Variants in GRM7 observed in about 807,000 individuals in gnomAD.
GRM7 encodes the protein glutamate metabotropic receptor 7.
A neutral mutation model predicts 84.5 loss-of-function variants in GRM7; 35 were observed. The observed-to-expected ratio is 0.41, with a 90% confidence interval of 0.32 to 0.55. The LOEUF (loss-of-function observed/expected upper bound fraction) is 0.55, where lower values mean the gene tolerates loss of function less well. Ranked by LOEUF, GRM7 falls within the 20% of genes least tolerant of loss-of-function variation. GRM7 has a pLI of 0.19. For synonymous variants in GRM7, 487 were observed against 455.1 expected (o/e 1.07, Z -0.89); for missense variants, 1,003 against 1,194.6 (o/e 0.84, Z 2.36).
chr3:6,941,039 G>A (rs17750635), intron 1 of GRM7, among the ~76,000 whole-genome samples: 2,524 of 152,284 alleles, frequency 0.017, 31 homozygotes, highest in Non-Finnish European at 0.025. Context: ...GCCTCCATCA[G>A]TCCCTGCCTC....
intron 2 of GRM7, among the ~76,000 whole-genome samples, chr3:7,228,877 A>G (rs890914282): frequency 8.5e-5 from 13 of 152,264 alleles, no homozygotes; most frequent in Non-Finnish European, 1.9e-4. Context: ...TAATGATGTG[A>G]TGAAGATGTG....
intron 5 of GRM7, among the ~76,000 whole-genome samples, chr3:7,435,851 CTTTTTTT>C (rs34860272): frequency 9.0e-5 from 8 of 89,258 alleles, no homozygotes; most frequent in South Asian, 4.9e-4. Context: ...CCACACCCAT[CTTTTTTT>C]TTTTTTTTTT....
At chr3:7,643,619 G>C (rs1698469049) in intron 8 of GRM7, among the ~76,000 whole-genome samples, 1 of 152,064 alleles carries the variant, frequency 6.6e-6, no homozygotes, top group Non-Finnish European at 1.5e-5. Flanking sequence ...CTTGCTTTTT[G>C]TTTCTTTTAA....
At chr3:7,504,905 CAA>C (rs1699995387) in intron 7 of GRM7, among the ~76,000 whole-genome samples, 1 of 152,138 alleles carries the variant, frequency 6.6e-6, no homozygotes, top group Non-Finnish European at 1.5e-5. Flanking sequence ...AGTATCAACT[CAA>C]AGTCCAAAGT....
At chr3:7,168,944 G>C in intron 2 of GRM7, among the ~76,000 whole-genome samples, 1 of 152,072 alleles carries the variant, frequency 6.6e-6, no homozygotes, top group East Asian at 1.9e-4. Flanking sequence ...GACCAGAAAA[G>C]GTATCTGCAT....
intron 1 of GRM7, among the ~76,000 whole-genome samples, chr3:6,933,159 T>C (rs1697569611): frequency 6.6e-6 from 1 of 152,180 alleles, no homozygotes; most frequent in African/African-American, 2.4e-5. Flanking sequence ...TGGAGTTTAA[T>C]AAAATACAGG....
At chr3:7,212,687 A>G (rs1404062534) in intron 2 of GRM7, among the ~76,000 whole-genome samples, 2 of 152,244 alleles carry the variant, frequency 1.3e-5, no homozygotes, top group African/African-American at 4.8e-5. Context: ...AAATAACATT[A>G]TAAAGTTTTA....
intron 2 of GRM7, among the ~76,000 whole-genome samples, chr3:7,234,125 G>A (rs962604577): frequency 2.0e-5 from 3 of 151,984 alleles, no homozygotes; most frequent in Admixed American, 6.5e-5. Context: ...AATTGTAATA[G>A]GATTTAAGAG....
At chr3:7,516,123 C>T (rs1394245316) in intron 7 of GRM7, among the ~76,000 whole-genome samples, 3 of 140,626 alleles carry the variant, frequency 2.1e-5, no homozygotes, top group African/African-American at 5.3e-5. Flanking sequence ...GTGATCACAC[C>T]ACTGCACTCC....
chr3:7,014,268 G>T (rs1394805565), intron 1 of GRM7, among the ~76,000 whole-genome samples: 1 of 152,170 alleles, frequency 6.6e-6, no homozygotes, highest in Non-Finnish European at 1.5e-5. Flanking sequence ...CAGGGAGGGA[G>T]TAGGCAAAGT....
At chr3:7,572,060 C>T (rs1575508348) in intron 7 of GRM7, among the ~76,000 whole-genome samples, 1 of 152,294 alleles carries the variant, frequency 6.6e-6, no homozygotes, top group East Asian at 1.9e-4. Context: ...TCACGTTCCT[C>T]CCATGACACA....
intron 8 of GRM7, among the ~76,000 whole-genome samples, chr3:7,657,847 A>C (rs948361377): frequency 2.0e-5 from 3 of 152,198 alleles, no homozygotes; most frequent in African/African-American, 7.2e-5. Context: ...GTCCTGGCCA[A>C]TGAGAGTTGG....
At chr3:7,119,862 G>A (rs545857987) in intron 1 of GRM7, among the ~76,000 whole-genome samples, 12 of 152,128 alleles carry the variant, frequency 7.9e-5, no homozygotes, top group African/African-American at 2.9e-4. Flanking sequence ...TTAAAATTAT[G>A]GGCGCTTCTG....
chr3:7,158,488 C>G (rs569287892), intron 2 of GRM7, among the ~76,000 whole-genome samples: 3 of 152,190 alleles, frequency 2.0e-5, no homozygotes, highest in Admixed American at 6.5e-5. Flanking sequence ...ATGTCCCCGT[C>G]TCCCCACCCT....
chr3:6,891,808 T>G (rs1235042850), intron 1 of GRM7, among the ~76,000 whole-genome samples: 3 of 152,246 alleles, frequency 2.0e-5, no homozygotes, highest in Admixed American at 6.5e-5. Flanking sequence ...AGTTCTCCTT[T>G]ATAATATCCT....
Position 7,461,531 on chromosome 3 carries a change from A to G in GRM7, c.1376-52A>G, listed in dbSNP as rs553730991. The G allele has an allele frequency of 2.1e-5, 31 of 1,453,318 alleles. No individual in the cohort carries two copies. In the African/African-American group the frequency reaches 3.1e-4, roughly 14 times the overall value. 90.0% of individuals were successfully genotyped at this position (1,453,318 alleles called of 1,614,324 possible). A position where few individuals can be genotyped will look rare whatever the true frequency, so the allele number is the denominator to read the frequency against. On this transcript the variant is annotated intron_variant, in intron 6 of 9. Coordinates refer to ENST00000357716, the MANE Select transcript of GRM7 (RefSeq NM_000844.4). ...GCCTGTCACCCATAGTACAAGAGAT[A>G]TAAGGAATCTTGTTTAACTTTAGAA... is the stretch of plus-strand genomic sequence containing the variant.
intron 4 of GRM7, among the ~76,000 whole-genome samples, chr3:7,361,356 G>T (rs1175010975): frequency 6.6e-6 from 1 of 151,994 alleles, no homozygotes; most frequent in Non-Finnish European, 1.5e-5. Context: ...AGCAAGTCTA[G>T]ACACAAGGTC....
In GRM7 at chr3:7,534,610, G is replaced by T. The variant is rs75121286; in HGVS notation, c.1516-43812G>T. Among the ~76,000 whole-genome samples the T allele has an allele frequency of 2.0e-5, 3 of 152,096 alleles. No individual in the cohort carries two copies. In the East Asian group the frequency reaches 5.8e-4, roughly 29 times the overall value. On this transcript the variant is annotated intron_variant, in intron 7 of 9. Transcript: ENST00000357716. Reference sequence around the variant, plus strand: ...CAAGTGTCTCATTTCACCTTAAAAAGTCCCTTTAAAGTGTGAGTTAAATTT... The same window carrying T: ...CAAGTGTCTCATTTCACCTTAAAAATTCCCTTTAAAGTGTGAGTTAAATTT...
intron 1 of GRM7, among the ~76,000 whole-genome samples, chr3:6,960,605 T>C (rs1693255897): frequency 1.3e-5 from 2 of 152,156 alleles, no homozygotes; most frequent in African/African-American, 4.8e-5. Context: ...CTTCCATTTC[T>C]TTCCAATTCC....
Sources: allele counts gnomAD v4.1 joint callset (sites outside exome capture counted in the v4.1 genomes callset), GRCh38; gene constraint gnomAD v4.1.1; transcripts MANE v1.5; gene names NCBI Gene and HGNC (gene_info 2026-07-23, HGNC 2026-07-21).